PARD3B: variants seen among roughly 807,000 people sequenced by gnomAD.
The protein encoded by PARD3B is par-3 family cell polarity regulator beta.
In PARD3B, 103 loss-of-function variants were observed where a neutral mutation model predicts 130.2. That is an observed-to-expected ratio of 0.79 (90% CI 0.67 to 0.93). The LOEUF (loss-of-function observed/expected upper bound fraction) is 0.93. Ranked by LOEUF, PARD3B falls within the 40% of genes least tolerant of loss-of-function variation. PARD3B has a pLI of 0.00. For synonymous variants in PARD3B, 583 were observed against 553.2 expected (o/e 1.05, Z -0.76); for missense variants, 1,609 against 1,499.2 (o/e 1.07, Z -1.21).
chr2:205,154,922 A>T (rs568747135), intron 10 of PARD3B, among the ~76,000 whole-genome samples: 1 of 152,286 alleles, frequency 6.6e-6, no homozygotes, highest in East Asian at 1.9e-4. Context: ...GAGGGATAGC[A>T]TTAGGAGAAA....
At chr2:204,933,584 G>GT (rs1231375481) in intron 2 of PARD3B, among the ~76,000 whole-genome samples, 6 of 152,172 alleles carry the variant, frequency 3.9e-5, no homozygotes. Context: ...AATAATGGTT[G>GT]TGACTGTAAA....
At chr2:204,755,082 T>A (rs190333527) in intron 2 of PARD3B, among the ~76,000 whole-genome samples, 1 of 152,254 alleles carries the variant, frequency 6.6e-6, no homozygotes, top group East Asian at 1.9e-4. Context: ...ATGGACTGAT[T>A]TCTCAAAAAT....
At chr2:205,047,818 A>C (rs1322454910) in intron 4 of PARD3B, 128 bp downstream of exon 4, 2 of 615,246 alleles carry the variant, frequency 3.3e-6, no homozygotes, top group African/African-American at 3.7e-5. Flanking sequence ...ATATAGTATT[A>C]GTTATACTAA....
chr2:205,543,457 T>C (rs1410820655), intron 21 of PARD3B, among the ~76,000 whole-genome samples: 1 of 152,176 alleles, frequency 6.6e-6, no homozygotes. Flanking sequence ...ATTTTACACG[T>C]CCCATCGCAT....
At chr2:205,576,078 G>A (rs1478890707) in intron 22 of PARD3B, among the ~76,000 whole-genome samples, 5 of 152,086 alleles carry the variant, frequency 3.3e-5, no homozygotes, top group East Asian at 3.9e-4. Flanking sequence ...TAATAGGTAT[G>A]TAGTAGTATT....
At chr2:205,034,105 C>T (rs527810717) in intron 3 of PARD3B, among the ~76,000 whole-genome samples, 5 of 152,226 alleles carry the variant, frequency 3.3e-5, no homozygotes, top group Admixed American at 2.0e-4. Context: ...ACATACTAGA[C>T]GAGATACCCT....
chr2:205,152,215 G>A (rs2033806639), intron 10 of PARD3B, among the ~76,000 whole-genome samples: 1 of 152,082 alleles, frequency 6.6e-6, no homozygotes, highest in African/African-American at 2.4e-5. Context: ...TTCAACCTTG[G>A]TGAATCTGAC....
chr2:205,343,203 G>A (rs916188149), intron 18 of PARD3B, among the ~76,000 whole-genome samples: 2 of 152,174 alleles, frequency 1.3e-5, no homozygotes, highest in Admixed American at 6.6e-5. Flanking sequence ...GCCCCCGACT[G>A]TAGGAAAGTG....
chr2:204,642,817 T>C (rs2035124635), intron 1 of PARD3B, among the ~76,000 whole-genome samples: 1 of 150,314 alleles, frequency 6.7e-6, no homozygotes, highest in Non-Finnish European at 1.5e-5. Flanking sequence ...TGTTGGAAAG[T>C]GTTTGGCACC....
Position 204,664,750 on chromosome 2 carries a change from G to A in PARD3B, c.121-21431G>A, listed in dbSNP as rs1200177301. Among the ~76,000 whole-genome samples the A allele has an allele frequency of 1.3e-5, 2 of 152,304 alleles. No homozygotes were observed. Among genetic ancestry groups the A allele is most frequent in the Non-Finnish European group, 1.5e-5 (1 of 68,034 alleles). On this transcript the variant is annotated intron_variant, in intron 1 of 22. Transcript: ENST00000406610. The surrounding 1 kb of genome is among the most constrained non-coding windows in gnomAD (Gnocchi z 5.2). ...CTGATAATAGTTTTCTGTAAGCTAT[G>A]TGAATGTCAGAGAGCAGAAATAGTC...
chr2:205,001,890 G>A (rs545101176), intron 3 of PARD3B, among the ~76,000 whole-genome samples: 10 of 152,292 alleles, frequency 6.6e-5, no homozygotes, highest in African/African-American at 1.2e-4. Flanking sequence ...CATTGGAGAC[G>A]ATGCTGTCAC....
At chr2:204,602,034 A>C (rs1416315369) in intron 1 of PARD3B, among the ~76,000 whole-genome samples, 1 of 152,006 alleles carries the variant, frequency 6.6e-6, no homozygotes, top group Non-Finnish European at 1.5e-5. Flanking sequence ...TGATCCTGTC[A>C]TTACAGGGAG....
intron 10 of PARD3B, among the ~76,000 whole-genome samples, chr2:205,129,150 A>G (rs1472530079): frequency 6.6e-6 from 1 of 152,240 alleles, no homozygotes; most frequent in Non-Finnish European, 1.5e-5. Context: ...TTGACAGTCA[A>G]CCATCCAAAT....
In PARD3B at chr2:205,301,062, C is replaced by T. The variant is rs968545748; in HGVS notation, c.2392+326C>T. On this transcript the variant is annotated intron_variant, in intron 17 of 22. Coordinates refer to ENST00000406610, the MANE Select transcript of PARD3B (RefSeq NM_001302769.2). This position sits in a 1 kb window ranked among gnomAD's most constrained non-coding sequence, Gnocchi z 5.2. ...ACATTCTCATTCGAGTCATTAGAGG[C>T]AGCATCAATCCAAGGACTCCGACTG... is the stretch of plus-strand genomic sequence containing the variant. 6.6e-6 allele frequency among the ~76,000 whole-genome samples: 1 copy of T among 152,186 alleles called. No individual in the cohort carries two copies. Among genetic ancestry groups the T allele is most frequent in the Non-Finnish European group, 1.5e-5 (1 of 68,042 alleles).
At chr2:204,871,441 A>G (rs2045625140) in intron 2 of PARD3B, among the ~76,000 whole-genome samples, 1 of 152,176 alleles carries the variant, frequency 6.6e-6, no homozygotes, top group Non-Finnish European at 1.5e-5. Context: ...AGCTCAAGGC[A>G]GAATTCAGAA....
chr2:205,384,777 G>C (rs1199266733), intron 18 of PARD3B, among the ~76,000 whole-genome samples: 1 of 152,058 alleles, frequency 6.6e-6, no homozygotes, highest in East Asian at 1.9e-4. Context: ...TTTCCTGGGA[G>C]AGAGAACCAT....
At chr2:204,914,145 G>A (rs1328497321) in intron 2 of PARD3B, among the ~76,000 whole-genome samples, 1 of 152,176 alleles carries the variant, frequency 6.6e-6, no homozygotes, top group African/African-American at 2.4e-5. Flanking sequence ...GGGAGGAGCC[G>A]GGCCTCTCCT....
At position 205,118,949 on chromosome 2, in the gene PARD3B, G is replaced by A; in HGVS notation, c.709G>A (p.Glu237Lys). ...TCTAGGACTCTTCATCCGAGGCATTGAAGACAACAGCAGGTCCAAGCGGGA... is the reference window on the plus strand; with the variant it reads ...TCTAGGACTCTTCATCCGAGGCATTAAAGACAACAGCAGGTCCAAGCGGGA... ...RILGLFIRGIEDNSRSKREGL... is the reference protein window; with the variant it reads ...RILGLFIRGIKDNSRSKREGL... The change falls in exon 7 of 23, where the codon GAA (glutamate) becomes AAA (lysine). Residue 237 changes from glutamate (E) to lysine (K), a missense_variant. Physicochemically the swap from Glu to Lys is moderately conservative, Grantham distance 56 (BLOSUM62 1). Transcript: ENST00000406610. 1 of 1,607,932 alleles carries A rather than the reference G, an allele frequency of 6.2e-7. No homozygotes were observed. Among genetic ancestry groups the A allele is most frequent in the Non-Finnish European group, 8.5e-7 (1 of 1,177,618 alleles).
At chr2:204,950,801 T>A (rs1014829481) in intron 2 of PARD3B, among the ~76,000 whole-genome samples, 1 of 151,912 alleles carries the variant, frequency 6.6e-6, no homozygotes, top group African/African-American at 2.4e-5. Context: ...GCAGAAGATA[T>A]CTCATAGGCG....
Sources: gnomAD v4.1 joint callset for allele counts (sites outside exome capture counted in the v4.1 genomes callset) on GRCh38, gnomAD v4.1.1 for gene constraint, Gnocchi (gnomAD v3.1) non-coding constraint, MANE v1.5 for transcripts, NCBI Gene and HGNC (gene_info 2026-07-23, HGNC 2026-07-21) for gene names.